PDE4D: variants seen among roughly 807,000 people sequenced by gnomAD.
PDE4D encodes the protein phosphodiesterase 4D.
Under a neutral mutation model 87.4 loss-of-function variants are expected in PDE4D, and 24 were observed. The ratio of observed to expected loss-of-function variants is 0.27; its 90% CI spans 0.20 to 0.39. PDE4D has a LOEUF of 0.39. Among genes scored for constraint, PDE4D ranks in the 10% least tolerant of loss-of-function variants. The pLI is 1.00. For missense variants in PDE4D, 714 were observed against 1,041.0 expected (o/e 0.69, Z 4.32); for synonymous variants, 384 against 383.2 (o/e 1.00, Z -0.02).
chr5:60,367,081 T>A (rs754360327), intron 1 of PDE4D, among the ~76,000 whole-genome samples: 7 of 152,178 alleles, frequency 4.6e-5, no homozygotes, highest in Non-Finnish European at 8.8e-5. Context: ...ACACAGTCTC[T>A]TTGGAGAACC....
At chr5:60,096,633 T>G (rs530635367) in intron 2 of PDE4D, among the ~76,000 whole-genome samples, 1 of 152,234 alleles carries the variant, frequency 6.6e-6, no homozygotes, top group South Asian at 2.1e-4. Flanking sequence ...TGGATGTACT[T>G]CATAAGCACA....
intron 1 of PDE4D, among the ~76,000 whole-genome samples, chr5:59,448,518 T>C (rs890160061): frequency 1.3e-5 from 2 of 152,200 alleles, no homozygotes; most frequent in Non-Finnish European, 2.9e-5. Context: ...CAGAAATAAT[T>C]GCAGCCACAA....
At chr5:59,558,439 C>T (rs1361599710) in intron 1 of PDE4D, 1 of 151,926 alleles carries the variant, frequency 6.6e-6, no homozygotes, top group African/African-American at 2.4e-5. Context: ...ATATCATTCT[C>T]TTGTTTAGAT....
intron 5 of PDE4D, chr5:59,166,338 G>A (rs1781924053): frequency 6.6e-6 from 1 of 152,138 alleles, no homozygotes; most frequent in South Asian, 2.1e-4. Flanking sequence ...AGGTTCTTGG[G>A]CTCCTCTCTG....
chr5:59,229,172 T>C (rs1167804687), intron 1 of PDE4D, among the ~76,000 whole-genome samples: 2 of 152,210 alleles, frequency 1.3e-5, no homozygotes, highest in Non-Finnish European at 2.9e-5. Flanking sequence ...CTTTGTTCGT[T>C]AATGTGTCCC....
At chr5:60,465,735 C>T (rs1428365714) in intron 1 of PDE4D, among the ~76,000 whole-genome samples, 3 of 151,986 alleles carry the variant, frequency 2.0e-5, no homozygotes, top group African/African-American at 7.2e-5. Flanking sequence ...TATACCTATC[C>T]TACCAAGAAT....
At chr5:59,815,978 G>C (rs1190939541) in intron 1 of PDE4D, among the ~76,000 whole-genome samples, 2 of 152,162 alleles carry the variant, frequency 1.3e-5, no homozygotes, top group Non-Finnish European at 2.9e-5. Context: ...ATTTAGAACT[G>C]ACAACAATGT....
At chr5:60,234,047 A>T (rs1005366306) in intron 1 of PDE4D, among the ~76,000 whole-genome samples, 1 of 151,846 alleles carries the variant, frequency 6.6e-6, no homozygotes, top group African/African-American at 2.4e-5. Context: ...TTATGCAACC[A>T]TCAACACAAT....
chr5:59,643,758 T>C (rs1741994166), intron 1 of PDE4D, among the ~76,000 whole-genome samples: 1 of 152,190 alleles, frequency 6.6e-6, no homozygotes, highest in Non-Finnish European at 1.5e-5. Flanking sequence ...ACCTATATAA[T>C]TTGCATCCAA....
At chr5:59,561,575 A>C (rs1819988356) in intron 1 of PDE4D, among the ~76,000 whole-genome samples, 1 of 152,190 alleles carries the variant, frequency 6.6e-6, no homozygotes, top group Non-Finnish European at 1.5e-5. Flanking sequence ...GAGGGTGTAC[A>C]TTTATTCTAA....
At chr5:59,966,144 T>C (rs1760019533) in intron 3 of PDE4D, among the ~76,000 whole-genome samples, 1 of 152,158 alleles carries the variant, frequency 6.6e-6, no homozygotes. Context: ...TAAAGTTAGT[T>C]TACAAAGGCA....
At chr5:60,078,747 T>C (rs1234475162) in intron 2 of PDE4D, among the ~76,000 whole-genome samples, 3 of 152,248 alleles carry the variant, frequency 2.0e-5, no homozygotes, top group East Asian at 1.9e-4. Context: ...TAGTATTCTA[T>C]GGTGTATATG....
At chr5:60,038,251 G>C (rs1286732202) in intron 2 of PDE4D, among the ~76,000 whole-genome samples, 1 of 152,160 alleles carries the variant, frequency 6.6e-6, no homozygotes, top group Admixed American at 6.6e-5. Flanking sequence ...GGTTTTTACG[G>C]TTTTAGGTCT....
rs1581784925 is a variant in PDE4D, at chr5:59,289,550, A to T, written c.456-73582T>A. Among the ~76,000 whole-genome samples, 3 of 152,180 alleles carry T rather than the reference A, an allele frequency of 2.0e-5. No individual in the cohort carries two copies. The South Asian group carries it at 6.2e-4, about 32-fold the overall frequency. On this transcript the variant is annotated intron_variant, in intron 1 of 14. Transcript: ENST00000340635. ...AAAGGAAATACCTCAACACAATAAAAGTCATATATAACAGACTCACAGCTG... is the reference window on the plus strand; with the variant it reads ...AAAGGAAATACCTCAACACAATAAATGTCATATATAACAGACTCACAGCTG...
At chr5:59,426,565 C>T (rs1795245098) in intron 1 of PDE4D, among the ~76,000 whole-genome samples, 1 of 151,982 alleles carries the variant, frequency 6.6e-6, no homozygotes, top group Non-Finnish European at 1.5e-5. Flanking sequence ...AAGGGAAGGA[C>T]CCTCACCAGC....
intron 1 of PDE4D, among the ~76,000 whole-genome samples, chr5:59,244,282 C>T (rs757520215): frequency 2.7e-4 from 41 of 152,008 alleles, no homozygotes; most frequent in Non-Finnish European, 5.6e-4. Context: ...ACTAAAATCC[C>T]AGCTACTCAG....
intron 2 of PDE4D, among the ~76,000 whole-genome samples, chr5:60,091,112 A>T (rs868795658): frequency 6.6e-6 from 1 of 152,210 alleles, no homozygotes; most frequent in East Asian, 1.9e-4. Context: ...TTTAGGTAAG[A>T]CCTCAAAAAC....
intron 1 of PDE4D, among the ~76,000 whole-genome samples, chr5:60,192,553 G>A (rs897317357): frequency 2.6e-5 from 4 of 152,086 alleles, no homozygotes; most frequent in Non-Finnish European, 5.9e-5. Flanking sequence ...AATAAAATAT[G>A]AGAACCTTCA....
At chr5:60,397,545 C>T (rs750291023) in intron 1 of PDE4D, among the ~76,000 whole-genome samples, 16 of 152,164 alleles carry the variant, frequency 1.1e-4, no homozygotes, top group Non-Finnish European at 1.8e-4. Flanking sequence ...CACAGAAAAA[C>T]AAACACTATA....
Sources: allele counts gnomAD v4.1 joint callset (sites outside exome capture counted in the v4.1 genomes callset), GRCh38; gene constraint gnomAD v4.1.1; transcripts MANE v1.5; gene names NCBI Gene and HGNC (gene_info 2026-07-23, HGNC 2026-07-21).